B4GALT4: variants seen among roughly 807,000 people sequenced by gnomAD.
The protein encoded by B4GALT4 is beta-1,4-galactosyltransferase 4, also known as N-acetyllactosamine synthase.
B4GALT4 carries 27 observed loss-of-function variants against 37.3 expected under a neutral mutation model. The observed-to-expected ratio is 0.72, with a 90% confidence interval of 0.53 to 1.00. B4GALT4 has a LOEUF of 1.00. B4GALT4 is among the 50% of genes least tolerant of loss of function. B4GALT4 has a pLI of 0.00. For missense variants in B4GALT4, 372 were observed against 413.1 expected (o/e 0.90, Z 0.86); for synonymous variants, 148 against 154.1 (o/e 0.96, Z 0.29).
At chr3:119,238,042 G>T (rs2079034933) in intron 1 of B4GALT4, among the ~76,000 whole-genome samples, 1 of 152,110 alleles carries the variant, frequency 6.6e-6, no homozygotes, top group South Asian at 2.1e-4. Flanking sequence ...CGAGGCGGGA[G>T]GATCACTTGA....
intron 5 of B4GALT4, among the ~76,000 whole-genome samples, chr3:119,223,233 G>T (rs759258435): frequency 6.6e-6 from 1 of 152,180 alleles, no homozygotes; most frequent in Admixed American, 6.5e-5. Flanking sequence ...ACTCAACGGG[G>T]AGCCCTGTGA....
intron 2 of B4GALT4, among the ~76,000 whole-genome samples, chr3:119,234,300 A>G (rs1161531782): frequency 2.6e-5 from 4 of 152,074 alleles, no homozygotes; most frequent in Admixed American, 1.3e-4. Flanking sequence ...CTTTATTTTT[A>G]GTAGAGACAG....
At chr3:119,225,487 C>T (rs1339541922) in intron 4 of B4GALT4, among the ~76,000 whole-genome samples, 1 of 152,074 alleles carries the variant, frequency 6.6e-6, no homozygotes, top group Admixed American at 6.5e-5. Context: ...GCCTCCACCT[C>T]CTGGGTTCAA....
chr3:119,228,113 G>A (rs926816170), intron 3 of B4GALT4, among the ~76,000 whole-genome samples: 2 of 152,184 alleles, frequency 1.3e-5, no homozygotes, highest in African/African-American at 4.8e-5. Flanking sequence ...GGGCTATCGA[G>A]CTACCAGAGA....
intron 5 of B4GALT4, among the ~76,000 whole-genome samples, chr3:119,219,989 A>G (rs1056016337): frequency 2.0e-5 from 3 of 152,350 alleles, no homozygotes; most frequent in Non-Finnish European, 2.9e-5. Context: ...AGGAGTGATC[A>G]ATAAACATGT....
chr3:119,216,558 C>T (rs9857127), intron 6 of B4GALT4, among the ~76,000 whole-genome samples: 16,463 of 151,136 alleles, frequency 0.11, 1,017 homozygotes, highest in East Asian at 0.24. Context: ...GAACTTCAGG[C>T]GATAAGCCCA....
chr3:119,226,262 T>C (rs1459329748), intron 4 of B4GALT4, among the ~76,000 whole-genome samples: 1 of 152,208 alleles, frequency 6.6e-6, no homozygotes, highest in South Asian at 2.1e-4. Context: ...TACCAAATCA[T>C]GCTTCTGGAA....
chr3:119,220,946 G>A (rs984107096), intron 5 of B4GALT4, among the ~76,000 whole-genome samples: 12 of 150,186 alleles, frequency 8.0e-5, no homozygotes, highest in Non-Finnish European at 1.8e-4. Context: ...AGATCGCACC[G>A]CTGCACTCCA....
intron 2 of B4GALT4, 150 bp from the exon 3 acceptor site, chr3:119,230,394 C>G (rs2078771476): frequency 2.7e-6 from 1 of 367,072 alleles, no homozygotes; most frequent in Admixed American, 4.4e-5. Context: ...ATTCGAAAAC[C>G]AGAGGTTTTA....
intron 5 of B4GALT4, 134 bp downstream of exon 5, chr3:119,223,924 A>C: frequency 1.2e-6 from 1 of 847,780 alleles, no homozygotes; most frequent in Non-Finnish European, 1.7e-6. Flanking sequence ...TTTGCACTTT[A>C]AGTGATGCAT....
At chr3:119,226,688 G>A (rs111847958) in intron 4 of B4GALT4, 121 bp downstream of exon 4, 1 of 803,072 alleles carries the variant, frequency 1.2e-6, no homozygotes, top group Admixed American at 2.6e-5. Flanking sequence ...TGAGGTAAGA[G>A]AACTCGTTTT....
intron 7 of B4GALT4, chr3:119,214,738 G>C (rs1015560039): frequency 1.3e-5 from 2 of 152,182 alleles, no homozygotes; most frequent in African/African-American, 4.8e-5. Flanking sequence ...AAAGTACTTT[G>C]TAGAAAAATC....
intron 3 of B4GALT4, among the ~76,000 whole-genome samples, chr3:119,228,819 G>T (rs879878487): frequency 0.083 from 12,622 of 151,586 alleles, 604 homozygotes; most frequent in South Asian, 0.13. Context: ...TGGGATTAAA[G>T]CACTTATAAA....
chr3:119,235,652 T>C (rs2078965258), intron 2 of B4GALT4, among the ~76,000 whole-genome samples: 1 of 152,158 alleles, frequency 6.6e-6, no homozygotes, highest in Non-Finnish European at 1.5e-5. Context: ...TTACAACTCC[T>C]TTAGGAGACT....
At chr3:119,229,479 C>T (rs139504640) in intron 3 of B4GALT4, among the ~76,000 whole-genome samples, 16 of 152,302 alleles carry the variant, frequency 1.1e-4, no homozygotes, top group African/African-American at 3.6e-4. Context: ...GAGTACATAA[C>T]GTATGCTTCC....
At position 119,212,261 on chromosome 3, in the gene B4GALT4, A is replaced by G; in HGVS notation, c.*288T>C. On this transcript the variant is annotated 3_prime_UTR_variant, in exon 8 of 8. Transcript: ENST00000393765. ...AAATCTCCTTCAACCAGAGTCCTCA[A>G]ATAGCGTTCATTTTATCCTTTGAGT... 1 of 702,328 alleles carries G rather than the reference A, an allele frequency of 1.4e-6. No homozygotes were observed. The highest frequency in any genetic ancestry group is 2.0e-5 in the Admixed American group (1 of 49,888). 43.5% of individuals were successfully genotyped at this position (702,328 alleles called of 1,614,324 possible).
intron 5 of B4GALT4, among the ~76,000 whole-genome samples, chr3:119,222,051 A>C (rs889488597): frequency 6.6e-6 from 1 of 152,222 alleles, no homozygotes; most frequent in Non-Finnish European, 1.5e-5. Context: ...AGCTTAATAG[A>C]AAGATAAAAT....
chr3:119,238,779 A>G (rs1368784884), intron 1 of B4GALT4, among the ~76,000 whole-genome samples: 1 of 152,204 alleles, frequency 6.6e-6, no homozygotes, highest in Non-Finnish European at 1.5e-5. Context: ...AATAAGGAGG[A>G]CGACTGTACA....
intron 7 of B4GALT4, chr3:119,214,703 A>C (rs944408041): frequency 6.6e-5 from 10 of 152,234 alleles, no homozygotes; most frequent in African/African-American, 2.4e-4. Context: ...ACTATACCCC[A>C]GAGTACCCAA....
Sources: gnomAD v4.1 joint callset for allele counts (sites outside exome capture counted in the v4.1 genomes callset) on GRCh38, gnomAD v4.1.1 for gene constraint, MANE v1.5 for transcripts, NCBI Gene and HGNC (gene_info 2026-07-23, HGNC 2026-07-21) for gene names.